Variants in PALLD observed in about 807,000 individuals in gnomAD.
PALLD encodes the protein palladin.
PALLD carries 61 observed loss-of-function variants against 123.5 expected under a neutral mutation model. That is an observed-to-expected ratio of 0.49 (90% CI 0.40 to 0.61). PALLD has a LOEUF of 0.61. PALLD is among the 20% of genes least tolerant of loss of function. PALLD has a pLI of 0.00. For missense variants in PALLD, 1,273 were observed against 1,377.0 expected (o/e 0.92, Z 1.20); for synonymous variants, 465 against 496.4 (o/e 0.94, Z 0.84).
intron 10 of PALLD, among the ~76,000 whole-genome samples, chr4:168,795,422 GTA>G (rs1399433837): frequency 6.6e-6 from 1 of 152,146 alleles, no homozygotes. Context: ...AGATAATTAA[GTA>G]TATATATGTT....
At chr4:168,706,365 C>A (rs112813498) in intron 8 of PALLD, among the ~76,000 whole-genome samples, 2,812 of 152,244 alleles carry the variant, frequency 0.018, 88 homozygotes, top group South Asian at 0.14. Flanking sequence ...GTTTTTCACA[C>A]CCCATTCAAA....
intron 2 of PALLD, among the ~76,000 whole-genome samples, chr4:168,560,813 A>G (rs1442329579): frequency 6.6e-6 from 1 of 152,210 alleles, no homozygotes; most frequent in African/African-American, 2.4e-5. Context: ...CCTTATATCC[A>G]TATTCACAGA....
At chr4:168,687,495 A>G (rs1164469240) in intron 6 of PALLD, among the ~76,000 whole-genome samples, 2 of 152,192 alleles carry the variant, frequency 1.3e-5, no homozygotes, top group African/African-American at 4.8e-5. Context: ...GTGTTGTCCA[A>G]TGTATTGGTA....
At chr4:168,532,905 G>A (rs932990714) in intron 2 of PALLD, among the ~76,000 whole-genome samples, 2 of 152,150 alleles carry the variant, frequency 1.3e-5, no homozygotes, top group Non-Finnish European at 2.9e-5. Context: ...CATCAATCAA[G>A]CATTGGGCAG....
chr4:168,586,506 G>A (rs995270019), intron 2 of PALLD, among the ~76,000 whole-genome samples: 19 of 152,124 alleles, frequency 1.2e-4, no homozygotes, highest in African/African-American at 4.3e-4. Flanking sequence ...GAGGAGGAGC[G>A]AATCCCTCTC....
chr4:168,689,420 C>G (rs1782394779), intron 6 of PALLD, among the ~76,000 whole-genome samples: 1 of 132,914 alleles, frequency 7.5e-6, no homozygotes, highest in Non-Finnish European at 1.6e-5. Context: ...ACCTTACATT[C>G]GATCCAATAT....
chr4:168,685,801 A>G (rs1781969696), intron 6 of PALLD, among the ~76,000 whole-genome samples: 1 of 136,370 alleles, frequency 7.3e-6, no homozygotes, highest in Admixed American at 7.9e-5. Context: ...GGGAAAGCCA[A>G]GACAGATAGA....
chr4:168,622,413 G>T (rs1774850302), intron 2 of PALLD, among the ~76,000 whole-genome samples: 1 of 152,180 alleles, frequency 6.6e-6, no homozygotes, highest in Non-Finnish European at 1.5e-5. Flanking sequence ...TCTCTCACCA[G>T]TCGGCATGAT....
intron 2 of PALLD, among the ~76,000 whole-genome samples, chr4:168,627,721 T>C (rs1373375952): frequency 6.6e-6 from 1 of 152,020 alleles, no homozygotes; most frequent in Non-Finnish European, 1.5e-5. Context: ...AATCTGAAAC[T>C]CCTAACGCAA....
intron 1 of PALLD, chr4:168,504,867 C>T (rs188771192): frequency 1.8e-4 from 27 of 152,258 alleles, no homozygotes; most frequent in African/African-American, 6.0e-4. Flanking sequence ...TTGGTGTTTA[C>T]CTCATTTCCT....
chr4:168,896,725 C>G, intron 13 of PALLD, 126 bp downstream of exon 13: 1 of 634,180 alleles, frequency 1.6e-6, no homozygotes, highest in Non-Finnish European at 2.7e-6. Context: ...TGACCAGTGT[C>G]TGTTTCATTT....
chr4:168,529,856 A>C (rs928971845), intron 2 of PALLD, among the ~76,000 whole-genome samples: 1 of 152,250 alleles, frequency 6.6e-6, no homozygotes. Flanking sequence ...GCTAAAGCAA[A>C]GCATATACCT....
In PALLD at chr4:168,539,834, CA is replaced by C. The variant is rs1215297181; in HGVS notation, c.908+27423del. 5.3e-5 allele frequency among the ~76,000 whole-genome samples: 8 copies of C among 152,016 alleles called. No homozygotes were observed. In the East Asian group the frequency reaches 1.5e-3, roughly 29 times the overall value. ...TTTAAATAATTTCAACTTTTAGATT[CA>C]GGGGGTACACGTGCAGGTTTGTTAC... On this transcript the variant is annotated intron_variant, in intron 2 of 21. Transcript: ENST00000505667.
chr4:168,570,552 T>C (rs927310792), intron 2 of PALLD, among the ~76,000 whole-genome samples: 1 of 152,140 alleles, frequency 6.6e-6, no homozygotes, highest in African/African-American at 2.4e-5. Context: ...AAATATTAGA[T>C]TAAATTGCCA....
chr4:168,896,482 T>G (rs1755199849), intron 12 of PALLD, 67 bp from the exon 13 acceptor site: 2 of 967,050 alleles, frequency 2.1e-6, no homozygotes, highest in Non-Finnish European at 3.2e-6. Flanking sequence ...TAAGGAAAAT[T>G]AGAAATCTTG....
At chr4:168,535,636 G>A (rs10031058) in intron 2 of PALLD, among the ~76,000 whole-genome samples, 109,434 of 152,126 alleles carry the variant, frequency 0.72, 39,479 homozygotes, top group East Asian at 0.86. Context: ...ACAATGGATG[G>A]AAAGTGATTG....
chr4:168,868,484 A>G (rs6839254), intron 10 of PALLD, among the ~76,000 whole-genome samples: 129,270 of 152,218 alleles, frequency 0.85, 55,079 homozygotes, highest in East Asian at 1. Flanking sequence ...TTACTGCCAC[A>G]CATTCAACCA....
chr4:168,677,555 CTG>C (rs1455493310), intron 3 of PALLD, among the ~76,000 whole-genome samples: 3 of 152,088 alleles, frequency 2.0e-5, no homozygotes, highest in African/African-American at 7.2e-5. Context: ...TGAAAAGTAA[CTG>C]TTTTCTCTCC....
intron 15 of PALLD, among the ~76,000 whole-genome samples, chr4:168,913,238 T>C (rs1176645059): frequency 6.6e-6 from 1 of 150,994 alleles, no homozygotes; most frequent in African/African-American, 2.4e-5. Context: ...CCGGGTTCAA[T>C]AGATTCTTCT....
Sources: gnomAD v4.1 joint callset for allele counts (sites outside exome capture counted in the v4.1 genomes callset) on GRCh38, gnomAD v4.1.1 for gene constraint, MANE v1.5 for transcripts, NCBI Gene and HGNC (gene_info 2026-07-23, HGNC 2026-07-21) for gene names.